Variants in IQCH observed in about 807,000 individuals in gnomAD.
IQCH encodes IQ motif containing H.
A neutral mutation model predicts 117.0 loss-of-function variants in IQCH; 98 were observed. That is an observed-to-expected ratio of 0.84 (90% CI 0.71 to 0.99). The LOEUF (loss-of-function observed/expected upper bound fraction) is 0.99, where lower values mean the gene tolerates loss of function less well. IQCH is among the 50% of genes least tolerant of loss of function. The probability of loss-of-function intolerance (pLI) is 0.00; values close to 1 mark genes in which losing one functional copy is unlikely to be tolerated. For synonymous variants in IQCH, 412 were observed against 448.2 expected (o/e 0.92, Z 1.02); for missense variants, 1,102 against 1,243.8 (o/e 0.89, Z 1.72).
Position 67,413,004 on chromosome 15 carries a change from G to A in IQCH, c.2098-3927G>A, listed in dbSNP as rs2081486067. On this transcript the variant is annotated intron_variant, in intron 14 of 20. Coordinates refer to ENST00000335894, the MANE Select transcript of IQCH (RefSeq NM_001031715.3). This position sits in a 1 kb window ranked among gnomAD's most constrained non-coding sequence, Gnocchi z 5.0. The stretch of plus-strand genomic sequence containing the variant: ...GATCATGAATGTGAACCTGTGATGA[G>A]ACAAAGTATTTTACAAATAGTATTC... 1.3e-5 allele frequency among the ~76,000 whole-genome samples: 2 copies of A among 152,122 alleles called. No individual in the cohort carries two copies. The highest frequency in any genetic ancestry group is 2.9e-5 in the Non-Finnish European group (2 of 68,026).
Position 67,481,188 on chromosome 15 carries a change from C to T in IQCH, c.2799+5370C>T, listed in dbSNP as rs1443638148. Among the ~76,000 whole-genome samples the T allele has an allele frequency of 6.6e-6, 1 of 152,080 alleles. No individual in the cohort carries two copies. The highest frequency in any genetic ancestry group is 1.9e-4 in the East Asian group (1 of 5,200). ...CCAACAAAGATTATGGCATCCAGTA[C>T]TGTATTAGTCTGTTCTCATGCTGCT... is the stretch of plus-strand genomic sequence containing the variant. On this transcript the variant is annotated intron_variant, in intron 18 of 20. Transcript: ENST00000335894. This position sits in a 1 kb window ranked among gnomAD's most constrained non-coding sequence, Gnocchi z 4.1.
intron 1 of IQCH, among the ~76,000 whole-genome samples, chr15:67,260,738 A>G (rs1965420837): frequency 6.6e-6 from 1 of 152,236 alleles, no homozygotes; most frequent in African/African-American, 2.4e-5. Flanking sequence ...AAGGAAAAAC[A>G]AATAATATGA....
At chr15:67,317,068 C>T (rs575134425) in intron 4 of IQCH, among the ~76,000 whole-genome samples, 3 of 152,284 alleles carry the variant, frequency 2.0e-5, no homozygotes, top group South Asian at 4.1e-4. Flanking sequence ...TCCCCAACTA[C>T]GTTCATATCT....
At chr15:67,294,129 A>C (rs1260291708) in intron 4 of IQCH, among the ~76,000 whole-genome samples, 1 of 152,150 alleles carries the variant, frequency 6.6e-6, no homozygotes, top group Non-Finnish European at 1.5e-5. Context: ...TTTTTCAAGC[A>C]CAGCAGTGTG....
At chr15:67,319,787 T>C (rs1207767443) in intron 4 of IQCH, among the ~76,000 whole-genome samples, 1 of 152,214 alleles carries the variant, frequency 6.6e-6, no homozygotes, top group Admixed American at 6.5e-5. Context: ...TCTTTCAGAA[T>C]TTGAAGATAT....
At chr15:67,448,863 A>G (rs552837861) in intron 16 of IQCH, among the ~76,000 whole-genome samples, 4 of 152,046 alleles carry the variant, frequency 2.6e-5, no homozygotes, top group Non-Finnish European at 2.9e-5. Context: ...AAGTGTTCCT[A>G]TTTCTCCACA....
At position 67,425,613 on chromosome 15, in the gene IQCH, A is replaced by G. The variant is rs1000703029; in HGVS notation, c.2505+4036A>G. Among the ~76,000 whole-genome samples, 8 of 152,204 alleles carry G rather than the reference A, an allele frequency of 5.3e-5. No homozygotes were observed. Among genetic ancestry groups the G allele is most frequent in the Non-Finnish European group, 1.2e-4 (8 of 68,034 alleles). ...GGCGACAGAGCAAGACTCTGTCTCA[A>G]AAAACAAATTACTATTTCCTCCCTT... On this transcript the variant is annotated intron_variant, in intron 16 of 20. Transcript: ENST00000335894. The surrounding 1 kb of genome is among the most constrained non-coding windows in gnomAD (Gnocchi z 5.5).
intron 5 of IQCH, among the ~76,000 whole-genome samples, chr15:67,339,143 T>C (rs1352285080): frequency 1.3e-5 from 2 of 152,222 alleles, no homozygotes; most frequent in Non-Finnish European, 2.9e-5. Flanking sequence ...TGACACATAA[T>C]AGGCACTTTA....
rs975546399 is a variant in IQCH at position 67,436,639 on chromosome 15, T to C, written c.2505+15062T>C. ...GCAGGGGAAGAACCAAGCCCTTTTC[T>C]TTCTAGCCTGCAACAAGTTTTCAAG... On this transcript the variant is annotated intron_variant, in intron 16 of 20. Coordinates refer to ENST00000335894, the MANE Select transcript of IQCH (RefSeq NM_001031715.3). This position sits in a 1 kb window ranked among gnomAD's most constrained non-coding sequence, Gnocchi z 5.1. Among the ~76,000 whole-genome samples the C allele has an allele frequency of 6.6e-6, 1 of 152,188 alleles. No individual in the cohort carries two copies. The highest frequency in any genetic ancestry group is 6.5e-5 in the Admixed American group (1 of 15,280).
In IQCH at chr15:67,391,173, A is replaced by G. The variant is rs1971273775; in HGVS notation, c.1632+2167A>G. 6.6e-6 allele frequency among the ~76,000 whole-genome samples: 1 copy of G among 152,202 alleles called. No individual in the cohort carries two copies. Among genetic ancestry groups the G allele is most frequent in the Non-Finnish European group, 1.5e-5 (1 of 68,028 alleles). ...AGGAGACAGGCACTCACAGATGCACATAGTATAGGTTTACATCTTTGTGAG... is the reference window on the plus strand; with the variant it reads ...AGGAGACAGGCACTCACAGATGCACGTAGTATAGGTTTACATCTTTGTGAG... On this transcript the variant is annotated intron_variant, in intron 12 of 20. Transcript: ENST00000335894. This position sits in a 1 kb window ranked among gnomAD's most constrained non-coding sequence, Gnocchi z 4.3.
intron 4 of IQCH, among the ~76,000 whole-genome samples, chr15:67,309,461 A>G (rs1397043217): frequency 6.6e-6 from 1 of 152,060 alleles, no homozygotes; most frequent in African/African-American, 2.4e-5. Context: ...TGTTTTACAC[A>G]TATTAGGTAT....
rs896294112 is a variant in IQCH at position 67,472,197 on chromosome 15, G to C, written c.2677-3499G>C. On this transcript the variant is annotated intron_variant, in intron 17 of 20. Coordinates refer to ENST00000335894, the MANE Select transcript of IQCH (RefSeq NM_001031715.3). This position sits in a 1 kb window ranked among gnomAD's most constrained non-coding sequence, Gnocchi z 4.3. ...TAGAACAGTCACTAACTGGCGAGGAGGGGAGGACGTCCCCTAGCAGATGGG... is the reference window on the plus strand; with the variant it reads ...TAGAACAGTCACTAACTGGCGAGGACGGGAGGACGTCCCCTAGCAGATGGG... 5.3e-5 allele frequency among the ~76,000 whole-genome samples: 8 copies of C among 152,184 alleles called. No homozygotes were observed. Among genetic ancestry groups the C allele is most frequent in the Admixed American group, 3.9e-4 (6 of 15,282 alleles).
At position 67,395,933 on chromosome 15, in the gene IQCH, G is replaced by A. The variant is rs895253944; in HGVS notation, c.1905+370G>A. ...GATCTGCCCACCTCAGCCTCCCAAAGTGCTGGGATTACCAGCGTGAGCCAC... is the reference window on the plus strand; with the variant it reads ...GATCTGCCCACCTCAGCCTCCCAAAATGCTGGGATTACCAGCGTGAGCCAC... On this transcript the variant is annotated intron_variant, in intron 13 of 20. Coordinates refer to ENST00000335894, the MANE Select transcript of IQCH (RefSeq NM_001031715.3). This position sits in a 1 kb window ranked among gnomAD's most constrained non-coding sequence, Gnocchi z 4.0. Among the ~76,000 whole-genome samples, 1 of 152,028 alleles carries A rather than the reference G, an allele frequency of 6.6e-6. No homozygotes were observed. The highest frequency in any genetic ancestry group is 1.5e-5 in the Non-Finnish European group (1 of 67,996).
chr15:67,489,323 G>A (rs961669159), intron 18 of IQCH, among the ~76,000 whole-genome samples: 10 of 150,892 alleles, frequency 6.6e-5, no homozygotes, highest in Non-Finnish European at 1.0e-4. Context: ...GTGAGCCACC[G>A]CGCCCGGCCA....
In IQCH at chr15:67,422,461, G is replaced by A. The variant is rs1173145180; in HGVS notation, c.2505+884G>A. ...TGGTGTCAGTGCCACCTGCAGTCCT[G>A]TGTACTCCTTGCCAAGCACATGGCT... On this transcript the variant is annotated intron_variant, in intron 16 of 20. Coordinates refer to ENST00000335894, the MANE Select transcript of IQCH (RefSeq NM_001031715.3). This position sits in a 1 kb window ranked among gnomAD's most constrained non-coding sequence, Gnocchi z 4.7. Among the ~76,000 whole-genome samples the A allele has an allele frequency of 6.6e-6, 1 of 152,144 alleles. No individual in the cohort carries two copies. Among genetic ancestry groups the A allele is most frequent in the African/African-American group, 2.4e-5 (1 of 41,412 alleles).
chr15:67,283,630 G>A (rs1966453535), intron 4 of IQCH, among the ~76,000 whole-genome samples: 1 of 151,896 alleles, frequency 6.6e-6, no homozygotes, highest in African/African-American at 2.4e-5. Context: ...AAATATCTTT[G>A]ATAGCTCATG....
intron 3 of IQCH, among the ~76,000 whole-genome samples, chr15:67,272,950 A>T (rs1965964455): frequency 6.6e-6 from 1 of 151,520 alleles, no homozygotes; most frequent in Non-Finnish European, 1.5e-5. Flanking sequence ...TACCATTTTT[A>T]TTGCTTGTTT....
chr15:67,279,938 C>T (rs1966281589), intron 4 of IQCH, among the ~76,000 whole-genome samples: 1 of 151,958 alleles, frequency 6.6e-6, no homozygotes, highest in South Asian at 2.1e-4. Context: ...ATGGCGTGAA[C>T]CCGGGAGGCG....
Position 67,494,002 on chromosome 15 carries a change from C to T in IQCH, c.2862-256C>T, listed in dbSNP as rs1374947303. Among the ~76,000 whole-genome samples the T allele has an allele frequency of 6.6e-6, 1 of 152,194 alleles. No homozygotes were observed. The highest frequency in any genetic ancestry group is 1.5e-5 in the Non-Finnish European group (1 of 68,038). On this transcript the variant is annotated intron_variant, in intron 19 of 20. Transcript: ENST00000335894. This position sits in a 1 kb window ranked among gnomAD's most constrained non-coding sequence, Gnocchi z 5.5. ...TACAACATCCTAGCTCAGTGGTAGA[C>T]TTTCGCTAGAAATGACCTACCCTAT...
Sources: gnomAD v4.1 joint callset for allele counts (sites outside exome capture counted in the v4.1 genomes callset) on GRCh38, gnomAD v4.1.1 for gene constraint, Gnocchi (gnomAD v3.1) non-coding constraint, MANE v1.5 for transcripts, NCBI Gene and HGNC (gene_info 2026-07-23, HGNC 2026-07-21) for gene names.